Variants in ZBTB7C observed in about 807,000 individuals in gnomAD.
ZBTB7C encodes zinc finger and BTB domain-containing protein 7C.
In ZBTB7C, 8 loss-of-function variants were observed where a neutral mutation model predicts 25.7. That is an observed-to-expected ratio of 0.31 (90% CI 0.18 to 0.56). The LOEUF is 0.56. ZBTB7C is among the 20% of genes least tolerant of loss of function. The pLI is 0.91. For missense variants in ZBTB7C, 824 were observed against 855.2 expected (o/e 0.96, Z 0.46); for synonymous variants, 394 against 369.0 (o/e 1.07, Z -0.78).
At chr18:48,337,378 C>A (rs1418685131) in intron 2 of ZBTB7C, among the ~76,000 whole-genome samples, 2 of 152,196 alleles carry the variant, frequency 1.3e-5, no homozygotes, top group Non-Finnish European at 2.9e-5. Flanking sequence ...ACCAGAAAAT[C>A]CATGGGAACA....
intron 3 of ZBTB7C, among the ~76,000 whole-genome samples, chr18:48,057,710 T>C (rs1445824817): frequency 2.0e-5 from 3 of 152,246 alleles, no homozygotes; most frequent in Non-Finnish European, 4.4e-5. Context: ...TCTTTGACAT[T>C]TTTTGTAATG....
intron 1 of ZBTB7C, among the ~76,000 whole-genome samples, chr18:48,360,076 C>T (rs193050209): frequency 2.0e-4 from 30 of 152,306 alleles, no homozygotes; most frequent in African/African-American, 6.3e-4. Context: ...GAGGTCAGAA[C>T]GTGGCCAGTC....
At chr18:48,101,663 T>C (rs998703898) in intron 3 of ZBTB7C, among the ~76,000 whole-genome samples, 1 of 152,226 alleles carries the variant, frequency 6.6e-6, no homozygotes, top group African/African-American at 2.4e-5. Flanking sequence ...GATACTATTA[T>C]GCCTAGTTTA....
chr18:48,115,568 A>AAC (rs903255106), intron 3 of ZBTB7C, among the ~76,000 whole-genome samples: 30 of 151,110 alleles, frequency 2.0e-4, no homozygotes, highest in Non-Finnish European at 2.8e-4. Flanking sequence ...CACACACACA[A>AAC]ACACACACAC....
intron 1 of ZBTB7C, among the ~76,000 whole-genome samples, chr18:48,350,882 G>A (rs2046849045): frequency 6.6e-6 from 1 of 151,960 alleles, no homozygotes; most frequent in Non-Finnish European, 1.5e-5. Flanking sequence ...TCTCTTTAAT[G>A]GCTGCATACC....
chr18:48,061,892 C>T (rs1459661504), intron 3 of ZBTB7C, among the ~76,000 whole-genome samples: 1 of 152,152 alleles, frequency 6.6e-6, no homozygotes, highest in Non-Finnish European at 1.5e-5. Flanking sequence ...TAGTCAGTAT[C>T]ACTTCTACTG....
At chr18:48,203,503 T>A (rs182464353) in intron 2 of ZBTB7C, 3 of 152,316 alleles carry the variant, frequency 2.0e-5, no homozygotes. Flanking sequence ...AGAATGGACT[T>A]CCTCTTTTGC....
chr18:48,140,773 GCCTC>G (rs1301493380), intron 3 of ZBTB7C, among the ~76,000 whole-genome samples: 2 of 152,110 alleles, frequency 1.3e-5, no homozygotes, highest in African/African-American at 4.8e-5. Flanking sequence ...CACGCTTGCT[GCCTC>G]CCTGTCCTTC....
Position 48,297,928 on chromosome 18 carries a change from G to A in ZBTB7C, c.-79+40246C>T, listed in dbSNP as rs963634796. On this transcript the variant is annotated intron_variant, in intron 2 of 4. Coordinates refer to ENST00000590800, the MANE Select transcript of ZBTB7C (RefSeq NM_001318841.2). Reference sequence around the variant, plus strand: ...CACATTATATGCCTATGGTAGTTATGAAATGCAAACTCCACCTCTTGTCTG... The same window carrying A: ...CACATTATATGCCTATGGTAGTTATAAAATGCAAACTCCACCTCTTGTCTG... Among the ~76,000 whole-genome samples the A allele has an allele frequency of 7.9e-5, 12 of 152,110 alleles. 1 individual carries two copies. The highest frequency in any genetic ancestry group is 2.9e-4 in the African/African-American group (12 of 41,394).
intron 1 of ZBTB7C, among the ~76,000 whole-genome samples, chr18:48,354,928 C>G (rs896791177): frequency 1.3e-5 from 2 of 152,228 alleles, no homozygotes; most frequent in African/African-American, 4.8e-5. Context: ...CTAGAACATT[C>G]TTGTTGCCCA....
chr18:48,117,411 G>T (rs2039478890), intron 3 of ZBTB7C, among the ~76,000 whole-genome samples: 1 of 152,184 alleles, frequency 6.6e-6, no homozygotes, highest in African/African-American at 2.4e-5. Context: ...CTCAGTTCCT[G>T]CCATACTGAG....
chr18:48,182,199 A>G (rs1180826223), intron 3 of ZBTB7C, among the ~76,000 whole-genome samples: 1 of 152,142 alleles, frequency 6.6e-6, no homozygotes, highest in African/African-American at 2.4e-5. Context: ...TCATTGCCTC[A>G]TGGGGGTGCC....
At chr18:48,042,207 C>G (rs1230210107) in intron 3 of ZBTB7C, among the ~76,000 whole-genome samples, 1 of 152,218 alleles carries the variant, frequency 6.6e-6, no homozygotes, top group Admixed American at 6.5e-5. Flanking sequence ...CCTCATCCCT[C>G]TTTTCCACTT....
intron 3 of ZBTB7C, among the ~76,000 whole-genome samples, chr18:48,089,036 C>A (rs1329940729): frequency 1.3e-5 from 2 of 152,094 alleles, no homozygotes; most frequent in Non-Finnish European, 2.9e-5. Flanking sequence ...ATGCACCCTC[C>A]CTGAGCCCGG....
At chr18:48,147,172 G>A (rs2040520053) in intron 3 of ZBTB7C, among the ~76,000 whole-genome samples, 1 of 152,112 alleles carries the variant, frequency 6.6e-6, no homozygotes, top group South Asian at 2.1e-4. Flanking sequence ...CCGCCTCCTG[G>A]GTTCAAGTGA....
chr18:48,150,581 C>CAAAAA (rs1362784084), intron 3 of ZBTB7C: 3 of 86,788 alleles, frequency 3.5e-5, no homozygotes, highest in Admixed American at 1.3e-4. Context: ...GACTCCATCT[C>CAAAAA]AAAAAAAAAA....
chr18:48,285,032 C>T (rs919496970), intron 2 of ZBTB7C, among the ~76,000 whole-genome samples: 4 of 152,206 alleles, frequency 2.6e-5, no homozygotes, highest in Non-Finnish European at 4.4e-5. Flanking sequence ...GATTATTTGA[C>T]ACTTGCTGAG....
rs114834767 is a variant in ZBTB7C at position 48,030,272 on chromosome 18, C to T, written c.1209-361G>A. ...TGACCTTAGTCCTCGGATAGTGCAG[C>T]GACTTCTGCTGATACTGGACTGCAC... On this transcript the variant is annotated intron_variant, in intron 4 of 4. Transcript: ENST00000590800. 5.7e-3 allele frequency among the ~76,000 whole-genome samples: 865 copies of T among 152,300 alleles called. 9 individuals are homozygous for T. The highest frequency in any genetic ancestry group is 0.02 in the African/African-American group (828 of 41,546).
At chr18:48,253,485 A>G (rs527933797) in intron 2 of ZBTB7C, among the ~76,000 whole-genome samples, 57 of 152,300 alleles carry the variant, frequency 3.7e-4, no homozygotes, top group African/African-American at 1.3e-3. Flanking sequence ...TGAGCCCTAC[A>G]ATTGCCCAAA....
Sources: gnomAD v4.1 joint callset for allele counts (sites outside exome capture counted in the v4.1 genomes callset) on GRCh38, gnomAD v4.1.1 for gene constraint, MANE v1.5 for transcripts, NCBI Gene and HGNC (gene_info 2026-07-23, HGNC 2026-07-21) for gene names.